PARL: variants seen among roughly 807,000 people sequenced by gnomAD.
PARL encodes the protein presenilin associated rhomboid like.
In PARL, 44 loss-of-function variants were observed where a neutral mutation model predicts 51.6. That is an observed-to-expected ratio of 0.85 (90% CI 0.67 to 1.10). The LOEUF (loss-of-function observed/expected upper bound fraction) is 1.10, where lower values mean the gene tolerates loss of function less well. PARL is among the 50% of genes least tolerant of loss of function. The pLI is 0.00. For missense variants in PARL, 441 were observed against 469.5 expected (o/e 0.94, Z 0.56); for synonymous variants, 172 against 164.0 (o/e 1.05, Z -0.37).
chr3:183,859,054 C>T (rs1427761684), intron 4 of PARL, among the ~76,000 whole-genome samples: 1 of 152,086 alleles, frequency 6.6e-6, no homozygotes, highest in Admixed American at 6.5e-5. Flanking sequence ...CGCCTGTAAT[C>T]CCAGCACTTT....
intron 7 of PARL, among the ~76,000 whole-genome samples, chr3:183,839,852 C>T (rs949737147): frequency 1.3e-5 from 2 of 152,222 alleles, no homozygotes; most frequent in African/African-American, 4.8e-5. Context: ...CCTTCCTCAG[C>T]CTCCTGAGTA....
chr3:183,847,981 G>A (rs937521018), intron 4 of PARL, among the ~76,000 whole-genome samples: 14 of 152,308 alleles, frequency 9.2e-5, no homozygotes, highest in East Asian at 5.8e-4. Flanking sequence ...TGGCACTACT[G>A]ATTCAGGAAG....
chr3:183,868,555 C>T (rs1180298730), intron 1 of PARL, among the ~76,000 whole-genome samples: 2 of 152,084 alleles, frequency 1.3e-5, no homozygotes, highest in South Asian at 2.1e-4. Flanking sequence ...GGACTACAAG[C>T]GTAGGCTACC....
Position 183,844,222 on chromosome 3 carries a change from T to TA in PARL, c.607+8dup, listed in dbSNP as rs1560386770. ...TACCTTAAAATAAATTCACACAAGT[T>TA]AGACTTACTTGAGGCTGGATTCGAT... is the stretch of plus-strand genomic sequence containing the variant. On this transcript the variant is annotated intron_variant, in intron 5 of 9. Coordinates refer to ENST00000317096, the MANE Select transcript of PARL (RefSeq NM_018622.7). The TA allele has an allele frequency of 6.6e-7, 1 of 1,512,758 alleles. No homozygotes were observed. The highest frequency in any genetic ancestry group is 1.7e-5 in the Admixed American group (1 of 59,892). The allele number at this position is 1,512,758 out of a possible 1,614,324, so 93.7% of individuals were successfully genotyped here.
chr3:183,827,579 A>G (rs944561619), downstream of PARL, among the ~76,000 whole-genome samples: 2 of 152,200 alleles, frequency 1.3e-5, no homozygotes, highest in African/African-American at 4.8e-5. Context: ...CAGTCCAGGG[A>G]CTAAGAAGTG....
At chr3:183,871,279 C>T (rs1033019246) in intron 1 of PARL, among the ~76,000 whole-genome samples, 1 of 151,870 alleles carries the variant, frequency 6.6e-6, no homozygotes, top group African/African-American at 2.4e-5. Flanking sequence ...TGGTACTATA[C>T]TCAAAGTAAG....
downstream of PARL, chr3:183,826,726 G>T (rs1727438331): frequency 1.0e-6 from 1 of 985,358 alleles, no homozygotes; most frequent in Non-Finnish European, 1.2e-6. Context: ...AGGTGTAGAG[G>T]GAGATCCTGG....
intron 7 of PARL, among the ~76,000 whole-genome samples, chr3:183,834,316 A>G (rs192343054): frequency 1.3e-5 from 2 of 152,344 alleles, no homozygotes; most frequent in East Asian, 3.9e-4. Flanking sequence ...GCACAGTGTG[A>G]GGCATGAGGA....
intron 3 of PARL, among the ~76,000 whole-genome samples, chr3:183,866,179 T>A (rs1196692008): frequency 1.3e-5 from 2 of 152,346 alleles, no homozygotes; most frequent in Non-Finnish European, 2.9e-5. Context: ...TTAACATTTT[T>A]AACAACTATC....
chr3:183,874,281 T>C (rs7632062), intron 1 of PARL, among the ~76,000 whole-genome samples: 112,348 of 151,962 alleles, frequency 0.74, 41,799 homozygotes, highest in East Asian at 0.96. Flanking sequence ...TTTCCCTCTC[T>C]TTGGACCCCC....
intron 4 of PARL, among the ~76,000 whole-genome samples, chr3:183,854,942 C>A (rs1730975748): frequency 6.6e-6 from 1 of 152,042 alleles, no homozygotes; most frequent in African/African-American, 2.4e-5. Context: ...TATATCCATA[C>A]ACTGGAATAT....
At chr3:183,883,692 G>A (rs531987438) in intron 1 of PARL, 1 of 984,908 alleles carries the variant, frequency 1.0e-6, no homozygotes, top group African/African-American at 1.7e-5. Context: ...ATCTATGTTA[G>A]TGTATGAAGA....
At chr3:183,878,606 T>A (rs950710973) in intron 1 of PARL, among the ~76,000 whole-genome samples, 1 of 152,308 alleles carries the variant, frequency 6.6e-6, no homozygotes, top group African/African-American at 2.4e-5. Context: ...TTAGTAGTTG[T>A]AAGACCTCCC....
At chr3:183,826,493 T>C, downstream of PARL, 1 of 432,880 alleles carries the variant, frequency 2.3e-6, no homozygotes, top group African/African-American at 2.1e-5. Flanking sequence ...ACAGCATTAA[T>C]TACCCAGAGC....
chr3:183,858,122 T>C (rs1731376182), intron 4 of PARL, among the ~76,000 whole-genome samples: 1 of 152,222 alleles, frequency 6.6e-6, no homozygotes. Context: ...GGATTAACTT[T>C]GCTATTCTTC....
At chr3:183,875,781 A>G (rs766960196) in intron 1 of PARL, among the ~76,000 whole-genome samples, 2 of 152,216 alleles carry the variant, frequency 1.3e-5, no homozygotes, top group Non-Finnish European at 2.9e-5. Context: ...ACAGCCTTCT[A>G]TTGGAAGAAG....
chr3:183,847,819 A>C (rs1038110818), intron 4 of PARL, among the ~76,000 whole-genome samples: 1 of 152,218 alleles, frequency 6.6e-6, no homozygotes, highest in African/African-American at 2.4e-5. Context: ...TAAATAAGAT[A>C]GTACATGCAC....
chr3:183,880,908 C>T (rs776993203), intron 1 of PARL, among the ~76,000 whole-genome samples: 9 of 152,028 alleles, frequency 5.9e-5, no homozygotes, highest in African/African-American at 1.2e-4. Flanking sequence ...CTTCACCTTC[C>T]GGCCTCAAGC....
chr3:183,834,035 A>C (rs976811685), intron 7 of PARL, among the ~76,000 whole-genome samples: 1 of 152,222 alleles, frequency 6.6e-6, no homozygotes, highest in South Asian at 2.1e-4. Context: ...GGAAAGACTG[A>C]ATTTTTACTA....
Sources: allele counts gnomAD v4.1 joint callset (sites outside exome capture counted in the v4.1 genomes callset), GRCh38; gene constraint gnomAD v4.1.1; transcripts MANE v1.5; gene names NCBI Gene and HGNC (gene_info 2026-07-23, HGNC 2026-07-21).